Variants in TOP2A observed in about 807,000 individuals in gnomAD.
TOP2A encodes the protein DNA topoisomerase II alpha, also known as DNA topoisomerase 2-alpha.
A neutral mutation model predicts 187.2 loss-of-function variants in TOP2A; 68 were observed. The observed-to-expected ratio is 0.36, with a 90% CI of 0.30 to 0.44. TOP2A has a LOEUF of 0.44. Among genes scored for constraint, TOP2A ranks in the 20% least tolerant of loss-of-function variants. The pLI, the probability that TOP2A is intolerant of heterozygous loss-of-function variation, is 1.00. For missense variants in TOP2A, 1,196 were observed against 1,808.7 expected (o/e 0.66, Z 6.14); for synonymous variants, 542 against 593.2 (o/e 0.91, Z 1.25).
rs377178741 is a variant in TOP2A, at chr17:40,412,592, C to T, written c.789+167G>A. On this transcript the variant is annotated intron_variant, in intron 7 of 34. Coordinates refer to ENST00000423485, the MANE Select transcript of TOP2A (RefSeq NM_001067.4). ...CTGGGAGGTGGAGGTTGCGGTGAGCCGAGATCGTGCCACTGCACTCCAGCC... is the reference window on the plus strand; with the variant it reads ...CTGGGAGGTGGAGGTTGCGGTGAGCTGAGATCGTGCCACTGCACTCCAGCC... Among the ~76,000 whole-genome samples the T allele has an allele frequency of 1.1e-4, 16 of 152,204 alleles. No individual in the cohort carries two copies. In the East Asian group the frequency reaches 2.5e-3, roughly 24 times the overall value.
intron 29 of TOP2A, among the ~76,000 whole-genome samples, chr17:40,393,374 A>T (rs1000282291): frequency 2.0e-5 from 3 of 151,982 alleles, no homozygotes; most frequent in African/African-American, 7.2e-5. Flanking sequence ...AAAATACAAA[A>T]AACTTTTAGA....
rs2035168162 is a variant in TOP2A, at chr17:40,400,678, A to T, written c.2665-15T>A. 6.3e-7 allele frequency: 1 copy of T among 1,584,372 alleles called. No individual in the cohort carries two copies. The highest frequency in any genetic ancestry group is 1.4e-5 in the African/African-American group (1 of 73,460). ...TAACTTGGAAGCTAAATTGGCATTT[A>T]AAAAAACAGTATGTTTTCTAAATGT... On this transcript the variant is annotated splice_polypyrimidine_tract_variant and intron_variant, in intron 21 of 34. Coordinates refer to ENST00000423485, the MANE Select transcript of TOP2A (RefSeq NM_001067.4).
intron 30 of TOP2A, 66 bp from the exon 31 acceptor site, chr17:40,392,407 A>G: frequency 6.6e-7 from 1 of 1,518,678 alleles, no homozygotes; most frequent in Non-Finnish European, 8.9e-7. Context: ...ATAGGTTGAC[A>G]TAACATTTCA....
chr17:40,390,199 C>G, intron 33 of TOP2A, 35 bp from the exon 34 acceptor site: 5 of 1,564,962 alleles, frequency 3.2e-6, no homozygotes, highest in Non-Finnish European at 4.3e-6. Flanking sequence ...CACAGCTGCT[C>G]TTTTTTTGAG....
chr17:40,405,029 G>A, intron 16 of TOP2A, 146 bp from the exon 17 acceptor site: 1 of 571,694 alleles, frequency 1.7e-6, no homozygotes, highest in South Asian at 2.1e-5. Context: ...CTGTTCTCTT[G>A]CCCAGCCTGG....
intron 4 of TOP2A, among the ~76,000 whole-genome samples, chr17:40,413,901 A>G (rs954492154): frequency 4.6e-5 from 7 of 152,064 alleles, no homozygotes; most frequent in Admixed American, 3.9e-4. Flanking sequence ...GGGAGGCTGA[A>G]GCAGGAGAAC....
rs575534867 is a variant in TOP2A at position 40,411,507 on chromosome 17, TAATC to T, written c.964-56_964-53del. The T allele has an allele frequency of 1.0e-5, 16 of 1,584,184 alleles. No individual in the cohort carries two copies. Among genetic ancestry groups the T allele is most frequent in the East Asian group, 2.2e-5 (1 of 44,688 alleles). On this transcript the variant is annotated intron_variant, in intron 8 of 34. Transcript: ENST00000423485. The surrounding 1 kb of genome is among the most constrained non-coding windows in gnomAD (Gnocchi z 4.4). ...AAACTCAGTATCCTCAAAATTATAATAATCAAACATTAAAAACTAATTTAACCTC... is the reference window on the plus strand; with the variant it reads ...AAACTCAGTATCCTCAAAATTATAATAAACATTAAAAACTAATTTAACCTC...
intron 19 of TOP2A, 77 bp downstream of exon 19, chr17:40,404,075 C>T: frequency 6.4e-7 from 1 of 1,553,492 alleles, no homozygotes; most frequent in Non-Finnish European, 8.7e-7. Flanking sequence ...CTTATACTTT[C>T]ACCAAATCTG....
At chr17:40,407,343 T>G (rs978881891) in intron 13 of TOP2A, among the ~76,000 whole-genome samples, 1 of 152,100 alleles carries the variant, frequency 6.6e-6, no homozygotes, top group Non-Finnish European at 1.5e-5. Flanking sequence ...TCTATGGGAA[T>G]CAAAAAAGGT....
chr17:40,411,806 G>A lies in TOP2A; in HGVS notation c.802C>T (p.Arg268Cys), dbSNP rs867092479. The change falls in exon 8 of 35, where the codon CGT becomes TGT. Residue 268 changes from arginine to cysteine, a missense_variant. Around this residue, in one of 10 missense-constraint regions of TOP2A, gnomAD observed 252 missense variants for 434.8 expected, o/e 0.58. Transcript: ENST00000423485. The surrounding 1 kb of genome is among the most constrained non-coding windows in gnomAD (Gnocchi z 4.4). ...NGNKLPVKGF[R>C]SYVDMYLKDK... ...TTCAAATACATGTCCACATAACTAC[G>A]AAATCCTTTTACCTGTACAGGAATT... 2 of 1,590,824 alleles carry A rather than the reference G, an allele frequency of 1.3e-6. No homozygotes were observed. The highest frequency in any genetic ancestry group is 8.5e-7 in the Non-Finnish European group (1 of 1,172,790).
intron 24 of TOP2A, 50 bp from the exon 25 acceptor site, chr17:40,399,181 G>T (rs2035143199): frequency 7.7e-7 from 1 of 1,302,858 alleles, no homozygotes; most frequent in East Asian, 2.5e-5. Context: ...AATATTTTAG[G>T]AAGGGGATAA....
At chr17:40,405,751 G>A (rs774551805) in intron 16 of TOP2A, among the ~76,000 whole-genome samples, 1 of 151,154 alleles carries the variant, frequency 6.6e-6, no homozygotes, top group African/African-American at 2.4e-5. Flanking sequence ...TTACAGGCGT[G>A]AGCCACCACG....
intron 19 of TOP2A, 64 bp downstream of exon 19, chr17:40,404,088 T>C (rs2035211846): frequency 3.8e-6 from 6 of 1,576,228 alleles, no homozygotes; most frequent in Non-Finnish European, 4.3e-6. Flanking sequence ...CAAATCTGTT[T>C]TGAGAATGAC....
chr17:40,416,158 C>A, intron 3 of TOP2A, 90 bp from the exon 4 acceptor site: 1 of 1,064,372 alleles, frequency 9.4e-7, no homozygotes, highest in Non-Finnish European at 1.4e-6. Flanking sequence ...AAAAAGTTCC[C>A]AAACAGCACA....
chr17:40,396,612 G>T, intron 27 of TOP2A, 147 bp from the exon 28 acceptor site: 2 of 999,336 alleles, frequency 2.0e-6, no homozygotes, highest in Non-Finnish European at 2.8e-6. Flanking sequence ...ATCAACAATA[G>T]TGAAGATGTA....
rs1371655987 is a variant in TOP2A at position 40,406,353 on chromosome 17, A to C, written c.1953+31T>G. On this transcript the variant is annotated intron_variant, in intron 16 of 34. Coordinates refer to ENST00000423485, the MANE Select transcript of TOP2A (RefSeq NM_001067.4). ...GGCTAAAGTAGTGATTTCTAAAATTAGAATGTATATAAAATACAACTCAAA... is the reference window on the plus strand; with the variant it reads ...GGCTAAAGTAGTGATTTCTAAAATTCGAATGTATATAAAATACAACTCAAA... 3.3e-6 allele frequency: 5 copies of C among 1,500,670 alleles called. No homozygotes were observed. In the Admixed American group the frequency reaches 7.8e-5, roughly 24 times the overall value. The allele number at this position is 1,500,670 out of a possible 1,614,324, so 93.0% of individuals were successfully genotyped here. A position where few individuals can be genotyped will look rare whatever the true frequency, so the allele number is the denominator to read the frequency against.
At position 40,401,021 on chromosome 17, in the gene TOP2A, A is replaced by G. The variant is rs754357737; in HGVS notation, c.2493T>C (p.Asp831=). 1.9e-6 allele frequency: 3 copies of G among 1,613,918 alleles called. No homozygotes were observed. Among genetic ancestry groups the G allele is most frequent in the Non-Finnish European group, 2.5e-6 (3 of 1,179,896 alleles). ...KDDHTLKFLY[D]DNQRVEPEWY... ...ATTCAGGCTCAACACGCTGGTTGTC[A>G]TCATATAAAAACTTCAACGTGTGAT... is the stretch of plus-strand genomic sequence containing the variant. Residue 831 remains aspartate (D), a synonymous_variant, in exon 21 of 35, where the codon GAT becomes GAC. Coordinates refer to ENST00000423485, the MANE Select transcript of TOP2A (RefSeq NM_001067.4).
rs2035388170 is a variant in TOP2A, at chr17:40,416,184, A to G, written c.269-116T>C. 3.4e-6 allele frequency: 3 copies of G among 886,238 alleles called. No homozygotes were observed. In the South Asian group the frequency reaches 4.7e-5, roughly 14 times the overall value. The allele number at this position is 886,238 out of a possible 1,614,324, so 54.9% of individuals were successfully genotyped here. A position where few individuals can be genotyped will look rare whatever the true frequency, so the allele number is the denominator to read the frequency against. On this transcript the variant is annotated intron_variant, in intron 3 of 34. Transcript: ENST00000423485. The stretch of plus-strand genomic sequence containing the variant: ...AAACAGCACAGGAGTGGCATTAACA[A>G]GGTGTTAATTTAGCAATTTTTGTCC...
At position 40,400,967 on chromosome 17, in the gene TOP2A, C is replaced by T; in HGVS notation, c.2547G>A (p.Leu849=). The T allele has an allele frequency of 1.2e-6, 2 of 1,613,968 alleles. No homozygotes were observed. Among genetic ancestry groups the T allele is most frequent in the African/African-American group, 1.3e-5 (1 of 75,044 alleles). The change falls in exon 21 of 35, where the codon CTG becomes CTA. Residue 849 remains leucine (L), a synonymous_variant. Coordinates refer to ENST00000423485, the MANE Select transcript of TOP2A (RefSeq NM_001067.4). ...TACCGATTCCTTCAGCACCATTTAT[C>T]AGCACCATGGGAATAATAGGAATGT... ...EWYIPIIPMV[L]INGAEGIGTG...
Sources: allele counts gnomAD v4.1 joint callset (sites outside exome capture counted in the v4.1 genomes callset), GRCh38; gene constraint gnomAD v4.1.1; regional missense constraint gnomAD v4.1.1; non-coding constraint Gnocchi (gnomAD v3.1); transcripts MANE v1.5; gene names NCBI Gene and HGNC (gene_info 2026-07-23, HGNC 2026-07-21).